ADCY9: variants seen among roughly 807,000 people sequenced by gnomAD.
The protein encoded by ADCY9 is adenylate cyclase type 9.
ADCY9 carries 50 observed loss-of-function variants against 101.5 expected under a neutral mutation model. The observed-to-expected ratio is 0.49, with a 90% CI of 0.39 to 0.62. The LOEUF is 0.62. Ranked by LOEUF, ADCY9 falls within the 20% of genes least tolerant of loss-of-function variation. ADCY9 has a pLI of 0.00. For missense variants in ADCY9, 1,662 were observed against 1,800.4 expected (o/e 0.92, Z 1.39); for synonymous variants, 905 against 769.3 (o/e 1.18, Z -2.92).
Position 4,114,621 on chromosome 16 carries a change from G to A in ADCY9, c.822C>T (p.Ala274=), listed in dbSNP as rs145532721. ...TCAGCAGCTCCCAGTGCAGGGCCCCGGCTCCGGGCGAGGGGAAGCAGGCTT... is the reference window on the plus strand; with the variant it reads ...TCAGCAGCTCCCAGTGCAGGGCCCCAGCTCCGGGCGAGGGGAAGCAGGCTT... ...RDEACFPSPG[A]GALHWELLSR... is the part of the protein sequence containing the mutation. The change falls in exon 2 of 11, where the codon GCC becomes GCT. Residue 274 remains alanine, a synonymous_variant. Transcript: ENST00000294016. This position sits in a 1 kb window ranked among gnomAD's most constrained non-coding sequence, Gnocchi z 4.3. The A allele has an allele frequency of 2.1e-4, 332 of 1,613,686 alleles. 1 individual carries two copies. The African/African-American group carries it at 4.1e-3, about 20-fold the overall frequency.
At chr16:4,041,006 ACC>A (rs2056622944) in intron 2 of ADCY9, among the ~76,000 whole-genome samples, 1 of 152,120 alleles carries the variant, frequency 6.6e-6, no homozygotes, top group African/African-American at 2.4e-5. Flanking sequence ...GAAGGTAAAT[ACC>A]CCTTCAAAAT....
At chr16:3,967,052 GT>G (rs2056005720) in intron 10 of ADCY9, 86 bp from the exon 11 acceptor site, 2 of 1,150,254 alleles carry the variant, frequency 1.7e-6, no homozygotes, top group Non-Finnish European at 2.5e-6. Flanking sequence ...GCAAAGCTTT[GT>G]TGAGTCCAGG....
At chr16:4,049,334 G>A (rs2056686161) in intron 2 of ADCY9, among the ~76,000 whole-genome samples, 1 of 152,046 alleles carries the variant, frequency 6.6e-6, no homozygotes, top group South Asian at 2.1e-4. Flanking sequence ...AAGTCGGAAG[G>A]GGCAGCACCC....
chr16:4,009,015 G>A (rs1169469756), intron 2 of ADCY9, among the ~76,000 whole-genome samples: 1 of 152,090 alleles, frequency 6.6e-6, no homozygotes, highest in Non-Finnish European at 1.5e-5. Flanking sequence ...CAGAAACCTA[G>A]GGACTACTTC....
At chr16:4,077,863 C>T (rs908616253) in intron 2 of ADCY9, among the ~76,000 whole-genome samples, 1 of 151,336 alleles carries the variant, frequency 6.6e-6, no homozygotes, top group African/African-American at 2.4e-5. Flanking sequence ...ATTAGCCAGG[C>T]GTGGTGGTGC....
intron 2 of ADCY9, among the ~76,000 whole-genome samples, chr16:4,020,823 C>CT (rs2056471369): frequency 2.2e-5 from 1 of 45,840 alleles, no homozygotes. Flanking sequence ...GAGACTCCGT[C>CT]TCAAAAAAAA....
At chr16:4,017,742 T>A (rs1340005306) in intron 2 of ADCY9, among the ~76,000 whole-genome samples, 2 of 151,226 alleles carry the variant, frequency 1.3e-5, no homozygotes, top group African/African-American at 4.9e-5. Flanking sequence ...AAATTCAACA[T>A]AGCAAAAGTT....
At position 4,007,533 on chromosome 16, in the gene ADCY9, A is replaced by T. The variant is rs147246661; in HGVS notation, c.1719T>A (p.Gly573=). The change falls in exon 3 of 11, where the codon GGT becomes GGA. Residue 573 remains glycine (G), a synonymous_variant. Transcript: ENST00000294016. The part of the protein sequence containing the change: ...LKGLKTYLIS[G]QRAKESRCSC... ...TGCAGCGAGACTCCTTGGCTCTCTGACCCGATATCAGGTATGTCTTCAAAC... is the reference window on the plus strand; with the variant it reads ...TGCAGCGAGACTCCTTGGCTCTCTGTCCCGATATCAGGTATGTCTTCAAAC... 7.0e-5 allele frequency: 113 copies of T among 1,610,142 alleles called. No homozygotes were observed. The highest frequency in any genetic ancestry group is 3.3e-4 in the Middle Eastern group (2 of 6,052).
intron 2 of ADCY9, among the ~76,000 whole-genome samples, chr16:4,106,451 G>A (rs1051768171): frequency 3.3e-5 from 5 of 152,068 alleles, no homozygotes; most frequent in African/African-American, 9.7e-5. Flanking sequence ...TTCCCTTCCT[G>A]TTTCAAAAAC....
At chr16:3,960,136 A>G (rs74804247), downstream of ADCY9, among the ~76,000 whole-genome samples, 856 of 152,302 alleles carry the variant, frequency 5.6e-3, 4 homozygotes, top group African/African-American at 0.02. Flanking sequence ...TCATCTGCAG[A>G]GAGTTGGAAT....
rs57326989 is a variant in ADCY9, at chr16:3,963,097, CAT to C, written c.*2676_*2677del. 0.028 allele frequency: 3,335 copies of C among 118,992 alleles called. 24 individuals are homozygous for C. The highest frequency in any genetic ancestry group is 0.05 in the African/African-American group (1,004 of 20,130). 7.4% of individuals were successfully genotyped at this position (118,992 alleles called of 1,614,324 possible). On this transcript the variant is annotated 3_prime_UTR_variant, in exon 11 of 11. Coordinates refer to ENST00000294016, the MANE Select transcript of ADCY9 (RefSeq NM_001116.4). ...GATAAAATTGTGTGTGCTTGTTTAC[CAT>C]ATATATATATATATATATATATATA...
At chr16:3,983,143 G>A (rs2056158763) in intron 7 of ADCY9, 89 bp downstream of exon 7, 2 of 1,250,258 alleles carry the variant, frequency 1.6e-6, no homozygotes, top group African/African-American at 1.5e-5. Context: ...GCTGGCTGGG[G>A]ACCAGTCCAA....
At chr16:4,035,748 C>A (rs984848219) in intron 2 of ADCY9, among the ~76,000 whole-genome samples, 6 of 151,964 alleles carry the variant, frequency 3.9e-5, no homozygotes, top group African/African-American at 1.5e-4. Flanking sequence ...CCTGGAATCC[C>A]AGCACTTTGG....
At chr16:4,106,691 C>G (rs185173013) in intron 2 of ADCY9, among the ~76,000 whole-genome samples, 6 of 152,310 alleles carry the variant, frequency 3.9e-5, no homozygotes, top group Admixed American at 3.9e-4. Context: ...AATCACCAAC[C>G]AAGACAAAGA....
At chr16:4,113,719 G>C (rs1329616181) in intron 2 of ADCY9, 31 bp downstream of exon 2, 9 of 1,589,096 alleles carry the variant, frequency 5.7e-6, no homozygotes, top group African/African-American at 2.7e-5. Context: ...GATCAGGGAG[G>C]GGGGATGCCG....
intron 2 of ADCY9, among the ~76,000 whole-genome samples, chr16:4,080,717 C>CT (rs1394077011): frequency 7.1e-5 from 5 of 70,262 alleles, no homozygotes; most frequent in South Asian, 5.2e-4. Flanking sequence ...ACATTTTTTT[C>CT]GTTTTTTTTT....
intron 2 of ADCY9, among the ~76,000 whole-genome samples, chr16:4,085,435 G>C (rs923805997): frequency 6.6e-6 from 1 of 152,076 alleles, no homozygotes; most frequent in Admixed American, 6.6e-5. Flanking sequence ...CAGCCCCCAG[G>C]AGCCCTCCGT....
intron 10 of ADCY9, among the ~76,000 whole-genome samples, chr16:3,967,581 A>T (rs528836394): frequency 6.6e-6 from 1 of 151,208 alleles, no homozygotes; most frequent in Non-Finnish European, 1.5e-5. Flanking sequence ...TTTTGAAGAG[A>T]CAGGGTCTTG....
intron 6 of ADCY9, among the ~76,000 whole-genome samples, chr16:3,988,402 G>C (rs1228732666): frequency 6.7e-6 from 1 of 150,302 alleles, no homozygotes; most frequent in East Asian, 2.0e-4. Flanking sequence ...GTGGGACGGG[G>C]GCTCTTCCAG....
Sources: allele counts gnomAD v4.1 joint callset (sites outside exome capture counted in the v4.1 genomes callset), GRCh38; gene constraint gnomAD v4.1.1; non-coding constraint Gnocchi (gnomAD v3.1); transcripts MANE v1.5; gene names NCBI Gene and HGNC (gene_info 2026-07-23, HGNC 2026-07-21).